DMC1: variants seen among roughly 807,000 people sequenced by gnomAD.
DMC1 encodes the protein meiotic recombination protein DMC1 homolog.
In DMC1, 27 loss-of-function variants were observed where a neutral mutation model predicts 50.1. That is an observed-to-expected ratio of 0.54 (90% CI 0.40 to 0.74). The LOEUF is 0.74. Among genes scored for constraint, DMC1 ranks in the 30% least tolerant of loss-of-function variants. The pLI is 0.00. For missense variants in DMC1, 295 were observed against 420.2 expected (o/e 0.70, Z 2.60); for synonymous variants, 148 against 136.1 (o/e 1.09, Z -0.61).
intron 11 of DMC1, among the ~76,000 whole-genome samples, 153 bp from the exon 12 acceptor site, chr22:38,537,805 TTTG>T (rs1455006192): frequency 3.3e-5 from 5 of 152,186 alleles, no homozygotes; most frequent in African/African-American, 9.6e-5. Context: ...ACAGAAATTA[TTTG>T]TTATTATTAT....
At chr22:38,564,170 A>G (rs1281243057) in intron 4 of DMC1, among the ~76,000 whole-genome samples, 2 of 152,204 alleles carry the variant, frequency 1.3e-5, no homozygotes, top group Non-Finnish European at 2.9e-5. Context: ...CCTTGTCTCA[A>G]AAATAAATGA....
downstream of DMC1, among the ~76,000 whole-genome samples, chr22:38,517,458 A>G (rs1337294893): frequency 6.6e-6 from 1 of 151,886 alleles, no homozygotes; most frequent in African/African-American, 2.4e-5. Flanking sequence ...AATCCTAGTT[A>G]CTCGGGAGGC....
chr22:38,547,275 TG>T (rs1602746147), intron 8 of DMC1, among the ~76,000 whole-genome samples: 1 of 151,988 alleles, frequency 6.6e-6, no homozygotes, highest in Non-Finnish European at 1.5e-5. Flanking sequence ...CTTCCTGCCT[TG>T]GCCTCCCAAA....
At position 38,555,428 on chromosome 22, in the gene DMC1, C is replaced by T; in HGVS notation, c.327-19G>A. On this transcript the variant is annotated intron_variant, in intron 5 of 13. Coordinates refer to ENST00000216024, the MANE Select transcript of DMC1 (RefSeq NM_007068.4). ...TAACTTACTGGAAATAGAAAGAAAG[C>T]ATTAGTAACAGGAATAGAAATAGAA... 6.7e-7 allele frequency: 1 copy of T among 1,486,490 alleles called. No homozygotes were observed. 92.1% of individuals were successfully genotyped at this position (1,486,490 alleles called of 1,614,324 possible).
At chr22:38,510,009 A>T in the DMC1 span, among the ~76,000 whole-genome samples, 1 of 152,154 alleles carries the variant, frequency 6.6e-6, no homozygotes, top group Non-Finnish European at 1.5e-5. Flanking sequence ...GCCGGGCCTA[A>T]TAGAAATAGT....
At chr22:38,543,800 T>A (rs2090313297) in intron 8 of DMC1, among the ~76,000 whole-genome samples, 1 of 152,152 alleles carries the variant, frequency 6.6e-6, no homozygotes, top group Non-Finnish European at 1.5e-5. Context: ...CTGACCTGAG[T>A]CACCTTTAGT....
chr22:38,558,587 C>T (rs919064718), intron 5 of DMC1, among the ~76,000 whole-genome samples: 2 of 151,932 alleles, frequency 1.3e-5, no homozygotes, highest in Non-Finnish European at 2.9e-5. Flanking sequence ...TGGTGGCACA[C>T]ACCTGTAGTC....
At chr22:38,553,497 C>CAAAA (rs372645739) in intron 6 of DMC1, among the ~76,000 whole-genome samples, 1 of 46,996 alleles carries the variant, frequency 2.1e-5, no homozygotes, top group African/African-American at 7.8e-5. Context: ...GACTCCGTCT[C>CAAAA]AAAAAAAAAA....
the DMC1 span, among the ~76,000 whole-genome samples, chr22:38,512,956 C>T: frequency 1.3e-5 from 2 of 152,020 alleles, no homozygotes; most frequent in Non-Finnish European, 1.5e-5. Context: ...GGGTTGTGCA[C>T]ACCTGTAATC....
intron 11 of DMC1, 29 bp from the exon 12 acceptor site, chr22:38,537,681 A>G (rs775164816): frequency 1.3e-6 from 2 of 1,557,698 alleles, no homozygotes; most frequent in Admixed American, 1.7e-5. Context: ...TTTTAAAACT[A>G]TGAGAAAGGC....
chr22:38,512,618 A>G, the DMC1 span, among the ~76,000 whole-genome samples: 2 of 152,210 alleles, frequency 1.3e-5, no homozygotes, highest in Non-Finnish European at 2.9e-5. Context: ...CGTGAAGAGT[A>G]TGAATAATGA....
chr22:38,545,282 G>A (rs1175385778), intron 8 of DMC1, among the ~76,000 whole-genome samples: 2 of 151,996 alleles, frequency 1.3e-5, no homozygotes, highest in Non-Finnish European at 2.9e-5. Flanking sequence ...ATGGTGGCAC[G>A]CACCTGTAGT....
chr22:38,561,441 A>G (rs1449553818), intron 5 of DMC1, among the ~76,000 whole-genome samples: 1 of 152,190 alleles, frequency 6.6e-6, no homozygotes, highest in African/African-American at 2.4e-5. Flanking sequence ...AAATTAGAAC[A>G]GACAGGATTT....
intron 12 of DMC1, among the ~76,000 whole-genome samples, chr22:38,528,570 G>A (rs954394437): frequency 6.6e-6 from 1 of 151,800 alleles, no homozygotes; most frequent in Non-Finnish European, 1.5e-5. Context: ...TGATCCCTTG[G>A]AGGCCCACAA....
At chr22:38,550,930 C>CAAAAAAA (rs60295497) in intron 7 of DMC1, among the ~76,000 whole-genome samples, 1 of 57,762 alleles carries the variant, frequency 1.7e-5, no homozygotes. Context: ...GACTCCATCT[C>CAAAAAAA]AAAAAAAAAA....
At chr22:38,561,043 G>A (rs2090521940) in intron 5 of DMC1, among the ~76,000 whole-genome samples, 1 of 151,742 alleles carries the variant, frequency 6.6e-6, no homozygotes, top group Non-Finnish European at 1.5e-5. Context: ...CGTCACCCAG[G>A]CTAGAGTGCA....
chr22:38,566,447 A>AT, intron 4 of DMC1, 143 bp downstream of exon 4: 1 of 882,658 alleles, frequency 1.1e-6, no homozygotes, highest in Non-Finnish European at 1.8e-6. Flanking sequence ...AACTGAAGTG[A>AT]TAAAAAGTTA....
At chr22:38,518,058 C>T (rs11570439), downstream of DMC1, among the ~76,000 whole-genome samples, 167 of 152,078 alleles carry the variant, frequency 1.1e-3, 1 homozygote, top group Middle Eastern at 3.4e-3. Context: ...CTGCAACCTC[C>T]GCCTCCTGGG....
At position 38,539,369 on chromosome 22, in the gene DMC1, C is replaced by T. The variant is rs753654737; in HGVS notation, c.538G>A (p.Asp180Asn). Residue 180 changes from aspartate to asparagine, a missense_variant, in exon 9 of 14, where the codon GAC (aspartate) becomes AAC (asparagine). Transcript: ENST00000216024. ...LRDIADRFNV[D>N]HDAVLDNVLY... is the part of the protein sequence containing the mutation. ...ACGTTGTCCAGTACTGCATCATGGTCTACATTAAAGCGATCAGCAATGTCC... is the reference window on the plus strand; with the variant it reads ...ACGTTGTCCAGTACTGCATCATGGTTTACATTAAAGCGATCAGCAATGTCC... 6.2e-7 allele frequency: 1 copy of T among 1,614,022 alleles called. No individual in the cohort carries two copies. The highest frequency in any genetic ancestry group is 1.7e-5 in the Admixed American group (1 of 59,984).
Sources: allele counts gnomAD v4.1 joint callset (sites outside exome capture counted in the v4.1 genomes callset), GRCh38; gene constraint gnomAD v4.1.1; transcripts MANE v1.5; gene names NCBI Gene and HGNC (gene_info 2026-07-23, HGNC 2026-07-21).